DCC: variants seen among roughly 807,000 people sequenced by gnomAD.
DCC encodes DCC netrin 1 receptor.
Under a neutral mutation model 172.5 loss-of-function variants are expected in DCC, and 58 were observed. The ratio of observed to expected loss-of-function variants is 0.34; its 90% CI spans 0.27 to 0.42. The LOEUF (loss-of-function observed/expected upper bound fraction) is 0.42. Ranked by LOEUF, DCC falls within the 10% of genes least tolerant of loss-of-function variation. The pLI, the probability that DCC is intolerant of heterozygous loss-of-function variation, is 1.00. For missense variants in DCC, 1,740 were observed against 1,791.0 expected (o/e 0.97, Z 0.51); for synonymous variants, 709 against 644.5 (o/e 1.10, Z -1.52).
At chr18:52,599,192 G>T (rs62083399) in intron 1 of DCC, among the ~76,000 whole-genome samples, 10,458 of 152,218 alleles carry the variant, frequency 0.069, 453 homozygotes, top group Middle Eastern at 0.11. Context: ...CTGGGAGATA[G>T]ATTTTGATGC....
intron 22 of DCC, among the ~76,000 whole-genome samples, chr18:53,450,150 CACATACACACAT>C (rs2045390198): frequency 6.6e-6 from 1 of 151,340 alleles, no homozygotes; most frequent in Non-Finnish European, 1.5e-5. Flanking sequence ...TATACACACA[CACATACACACAT>C]ACATATGCAT....
rs961783335 is a variant in DCC, at chr18:52,870,015, T to C, written c.413-36029T>C. On this transcript the variant is annotated intron_variant, in intron 2 of 28. Transcript: ENST00000442544. Reference sequence around the variant, plus strand: ...GGGCTCCAGGTCCTCACTGGGCCCCTTTCTGTCCGCTCCTCCAAGCCCGAC... The same window carrying C: ...GGGCTCCAGGTCCTCACTGGGCCCCCTTCTGTCCGCTCCTCCAAGCCCGAC... 2.6e-5 allele frequency among the ~76,000 whole-genome samples: 4 copies of C among 152,014 alleles called. No homozygotes were observed. In the South Asian group the frequency reaches 8.3e-4, roughly 32 times the overall value.
At chr18:53,525,612 G>C (rs193252665) in intron 27 of DCC, among the ~76,000 whole-genome samples, 25 of 152,114 alleles carry the variant, frequency 1.6e-4, no homozygotes, top group Non-Finnish European at 1.5e-5. Flanking sequence ...TTATCTGATT[G>C]TAGAGTAACC....
intron 1 of DCC, among the ~76,000 whole-genome samples, chr18:52,668,445 G>A (rs920571139): frequency 6.6e-6 from 1 of 152,002 alleles, no homozygotes; most frequent in South Asian, 2.1e-4. Flanking sequence ...GAGAAAAATC[G>A]GCAAAAGAAA....
At chr18:52,607,016 T>G (rs969338731) in intron 1 of DCC, among the ~76,000 whole-genome samples, 18 of 152,134 alleles carry the variant, frequency 1.2e-4, no homozygotes, top group Non-Finnish European at 2.6e-4. Context: ...GTTGAAATGC[T>G]AAAGGTCATT....
intron 1 of DCC, among the ~76,000 whole-genome samples, chr18:52,401,245 G>T (rs957389776): frequency 6.6e-6 from 1 of 151,872 alleles, no homozygotes; most frequent in African/African-American, 2.4e-5. Context: ...TTCCTAATGG[G>T]CATAACTCTG....
At chr18:53,414,605 T>C (rs762869564) in intron 20 of DCC, among the ~76,000 whole-genome samples, 74 of 152,272 alleles carry the variant, frequency 4.9e-4, no homozygotes, top group Non-Finnish European at 7.9e-4. Context: ...TCCCAGCACT[T>C]TAGGAGGCCG....
chr18:52,869,649 A>C (rs547990084), intron 2 of DCC, among the ~76,000 whole-genome samples: 9 of 152,336 alleles, frequency 5.9e-5, no homozygotes, highest in Admixed American at 2.6e-4. Flanking sequence ...CCAGCAGGCC[A>C]GCACCGAGCT....
intron 5 of DCC, among the ~76,000 whole-genome samples, chr18:52,935,116 A>G (rs902714055): frequency 7.9e-5 from 12 of 152,146 alleles, no homozygotes; most frequent in Non-Finnish European, 1.8e-4. Context: ...GAAGACTTAT[A>G]TTATCAACAT....
At chr18:52,954,587 T>C (rs945346820) in intron 5 of DCC, among the ~76,000 whole-genome samples, 10 of 152,208 alleles carry the variant, frequency 6.6e-5, no homozygotes, top group East Asian at 1.9e-4. Context: ...AAAGGTCTTA[T>C]GGTTCTGCAA....
intron 1 of DCC, among the ~76,000 whole-genome samples, chr18:52,379,044 C>T (rs921161308): frequency 6.6e-6 from 1 of 152,118 alleles, no homozygotes; most frequent in African/African-American, 2.4e-5. Context: ...AATGAAATTG[C>T]TTAAAGCATC....
At chr18:53,284,008 C>G (rs2056905270) in intron 12 of DCC, among the ~76,000 whole-genome samples, 1 of 152,132 alleles carries the variant, frequency 6.6e-6, no homozygotes, top group Non-Finnish European at 1.5e-5. Context: ...ATTTTATTTT[C>G]TTGTGCTTGA....
At chr18:52,979,662 A>G (rs2041175174) in intron 5 of DCC, among the ~76,000 whole-genome samples, 1 of 152,198 alleles carries the variant, frequency 6.6e-6, no homozygotes, top group African/African-American at 2.4e-5. Flanking sequence ...TTGTGTTCAG[A>G]GTTACCCATG....
chr18:52,502,070 C>T (rs1209081873), intron 1 of DCC, among the ~76,000 whole-genome samples: 1 of 152,130 alleles, frequency 6.6e-6, no homozygotes, highest in Non-Finnish European at 1.5e-5. Flanking sequence ...GAAATCCTGC[C>T]TTCCAGCTCT....
chr18:52,631,185 T>C (rs2034667747), intron 1 of DCC, among the ~76,000 whole-genome samples: 1 of 152,234 alleles, frequency 6.6e-6, no homozygotes, highest in South Asian at 2.1e-4. Flanking sequence ...GACACTTTTT[T>C]CTACCTGTCA....
intron 15 of DCC, among the ~76,000 whole-genome samples, chr18:53,384,973 G>C (rs369071707): frequency 0.27 from 40,561 of 148,662 alleles, 6,100 homozygotes; most frequent in East Asian, 0.5. Flanking sequence ...TCAGCTTCCC[G>C]AGTAGCTGGG....
chr18:53,191,408 A>G (rs1421896512), intron 9 of DCC, among the ~76,000 whole-genome samples: 1 of 151,938 alleles, frequency 6.6e-6, no homozygotes, highest in African/African-American at 2.4e-5. Flanking sequence ...TATGTTTTGT[A>G]TTTTCTTTAT....
At chr18:52,725,312 C>A (rs1157519647) in intron 1 of DCC, among the ~76,000 whole-genome samples, 1 of 152,130 alleles carries the variant, frequency 6.6e-6, no homozygotes, top group African/African-American at 2.4e-5. Flanking sequence ...CCAGCACTGC[C>A]CCTTGAAGTC....
intron 12 of DCC, among the ~76,000 whole-genome samples, chr18:53,222,401 T>C (rs1402819009): frequency 1.6e-5 from 2 of 121,784 alleles, no homozygotes; most frequent in African/African-American, 5.7e-5. Flanking sequence ...TTTTTTTTTT[T>C]TGAAATGGAG....
Sources: allele counts gnomAD v4.1 joint callset (sites outside exome capture counted in the v4.1 genomes callset), GRCh38; gene constraint gnomAD v4.1.1; transcripts MANE v1.5; gene names NCBI Gene and HGNC (gene_info 2026-07-23, HGNC 2026-07-21).